Variants in FBXW4 observed in about 807,000 individuals in gnomAD.
The protein encoded by FBXW4 is F-box/WD repeat-containing protein 4.
A neutral mutation model predicts 61.8 loss-of-function variants in FBXW4; 40 were observed. The observed-to-expected ratio is 0.65, with a 90% confidence interval of 0.50 to 0.84. The LOEUF (loss-of-function observed/expected upper bound fraction) is 0.84. FBXW4 is among the 40% of genes least tolerant of loss of function. The pLI is 0.00. For missense variants in FBXW4, 672 were observed against 753.8 expected (o/e 0.89, Z 1.27); for synonymous variants, 311 against 313.8 (o/e 0.99, Z 0.10).
intron 5 of FBXW4, among the ~76,000 whole-genome samples, chr10:101,647,967 C>T (rs903715338): frequency 3.3e-5 from 5 of 152,114 alleles, no homozygotes; most frequent in African/African-American, 1.2e-4. Context: ...ATAACTTGCT[C>T]GGAATCTGCA....
Position 101,612,386 on chromosome 10 carries a change from A to T in FBXW4, c.1393T>A (p.Cys465Ser). 1 of 1,599,240 alleles carries T rather than the reference A, an allele frequency of 6.3e-7. No individual in the cohort carries two copies. The highest frequency in any genetic ancestry group is 8.5e-7 in the Non-Finnish European group (1 of 1,172,278). The part of the protein sequence containing the change: ...MYESPFTLLS[C>S]GYDTYVRYWD... ...TAGCGAACATAGGTGTCATAGCCACAGGACAGCAGTGTGAAAGGGGACTCA... is the reference window on the plus strand; with the variant it reads ...TAGCGAACATAGGTGTCATAGCCACTGGACAGCAGTGTGAAAGGGGACTCA... Residue 465 changes from cysteine (C) to serine (S), a missense_variant, in exon 7 of 9, where the codon TGT (cysteine) becomes AGT (serine). Cys to Ser is a moderately radical substitution (Grantham distance 112, BLOSUM62 -1). This residue lies in a region of FBXW4 where 312 missense variants were observed against 370.1 expected (regional missense o/e 0.84). Transcript: ENST00000331272.
At chr10:101,689,262 G>A (rs980366521) in intron 1 of FBXW4, among the ~76,000 whole-genome samples, 4 of 152,112 alleles carry the variant, frequency 2.6e-5, no homozygotes. Flanking sequence ...TTTCTGCCTT[G>A]AAAGCTAGAA....
chr10:101,644,618 C>T (rs2064080912), intron 5 of FBXW4, among the ~76,000 whole-genome samples: 1 of 152,140 alleles, frequency 6.6e-6, no homozygotes, highest in Non-Finnish European at 1.5e-5. Context: ...TATTTTGGGC[C>T]TTCATGGGCA....
chr10:101,678,103 G>T (rs528186281), intron 1 of FBXW4, among the ~76,000 whole-genome samples: 9 of 152,176 alleles, frequency 5.9e-5, no homozygotes, highest in Non-Finnish European at 1.3e-4. Context: ...ATTGGAGGGC[G>T]AGTGTCAATA....
intron 4 of FBXW4, 51 bp downstream of exon 4, chr10:101,672,864 C>T (rs1411276438): frequency 6.3e-7 from 1 of 1,596,000 alleles, no homozygotes; most frequent in Admixed American, 1.7e-5. Flanking sequence ...TATCCACCCC[C>T]TCCCTATAGA....
chr10:101,675,043 A>G (rs755889975), intron 2 of FBXW4, among the ~76,000 whole-genome samples: 1 of 152,022 alleles, frequency 6.6e-6, no homozygotes, highest in East Asian at 1.9e-4. Flanking sequence ...TCTTCCCCAG[A>G]CTCGTACAAG....
Position 101,694,330 on chromosome 10 carries a change from G to A in FBXW4, c.725+51C>T. On this transcript the variant is annotated intron_variant, in intron 1 of 8. Coordinates refer to ENST00000331272, the MANE Select transcript of FBXW4 (RefSeq NM_022039.4). This position sits in a 1 kb window ranked among gnomAD's most constrained non-coding sequence, Gnocchi z 6.0. ...GGCCGCGGCGCCCCGCCCTTTCCCGGGACGCGGGGCCGGCTCGGGGCGGGG... is the reference window on the plus strand; with the variant it reads ...GGCCGCGGCGCCCCGCCCTTTCCCGAGACGCGGGGCCGGCTCGGGGCGGGG... 6.0e-6 allele frequency: 8 copies of A among 1,336,912 alleles called. No individual in the cohort carries two copies. Among genetic ancestry groups the A allele is most frequent in the Non-Finnish European group, 7.6e-6 (8 of 1,049,904 alleles). 82.8% of individuals were successfully genotyped at this position (1,336,912 alleles called of 1,614,324 possible).
chr10:101,639,508 T>C (rs1589753377), intron 5 of FBXW4, among the ~76,000 whole-genome samples: 1 of 152,240 alleles, frequency 6.6e-6, no homozygotes, highest in East Asian at 1.9e-4. Context: ...TTTATCCAAC[T>C]AGTAGACACC....
rs149791990 is a variant in FBXW4, at chr10:101,612,823, G to GCA, written c.1302-348_1302-347dup. Among the ~76,000 whole-genome samples, 1,352 of 150,720 alleles carry GCA rather than the reference G, an allele frequency of 9.0e-3. 11 individuals are homozygous for GCA. Among genetic ancestry groups the GCA allele is most frequent in the Admixed American group, 0.03 (454 of 15,150 alleles). On this transcript the variant is annotated intron_variant, in intron 6 of 8. Transcript: ENST00000331272. ...GCCCCCCTCACATTCACATGCACAT[G>GCA]CACACACACACACACACTTGGTTAC... is the stretch of plus-strand genomic sequence containing the variant.
chr10:101,678,103 G>A (rs528186281), intron 1 of FBXW4, among the ~76,000 whole-genome samples: 10 of 152,176 alleles, frequency 6.6e-5, no homozygotes, highest in African/African-American at 1.9e-4. Flanking sequence ...ATTGGAGGGC[G>A]AGTGTCAATA....
Position 101,645,749 on chromosome 10 carries a change from A to T in FBXW4, c.1236-20939T>A, listed in dbSNP as rs555683223. On this transcript the variant is annotated intron_variant, in intron 5 of 8. Coordinates refer to ENST00000331272, the MANE Select transcript of FBXW4 (RefSeq NM_022039.4). Reference sequence around the variant, plus strand: ...ATCAAGTCTTGAATTCATTTTTTTTAAAGTTGGAAACAATTCAAGATAATC... The same window carrying T: ...ATCAAGTCTTGAATTCATTTTTTTTTAAGTTGGAAACAATTCAAGATAATC... Among the ~76,000 whole-genome samples, 13 of 152,312 alleles carry T rather than the reference A, an allele frequency of 8.5e-5. 1 individual carries two copies. In the South Asian group the frequency reaches 2.3e-3, roughly 27 times the overall value.
In FBXW4 at chr10:101,635,634, A is replaced by G. The variant is rs184673383; in HGVS notation, c.1236-10824T>C. Among the ~76,000 whole-genome samples the G allele has an allele frequency of 3.0e-3, 462 of 152,260 alleles. 5 individuals carry two copies. The highest frequency in any genetic ancestry group is 0.011 in the African/African-American group (449 of 41,556). On this transcript the variant is annotated intron_variant, in intron 5 of 8. Coordinates refer to ENST00000331272, the MANE Select transcript of FBXW4 (RefSeq NM_022039.4). ...CAGATTGCTTGAGCCCAGGAGTTCA[A>G]GACAAGCCTGGGCAACAAAGTAAGA...
intron 5 of FBXW4, among the ~76,000 whole-genome samples, chr10:101,649,488 G>A (rs2064128938): frequency 6.6e-6 from 1 of 152,188 alleles, no homozygotes; most frequent in Admixed American, 6.5e-5. Context: ...GGAAAAAAAA[G>A]AACAGTAAAA....
At chr10:101,645,056 C>T (rs1010564268) in intron 5 of FBXW4, among the ~76,000 whole-genome samples, 4 of 152,186 alleles carry the variant, frequency 2.6e-5, no homozygotes, top group African/African-American at 7.2e-5. Flanking sequence ...CTATGATGTG[C>T]TACCCCAGCC....
At chr10:101,614,412 G>T (rs1324296188) in intron 6 of FBXW4, among the ~76,000 whole-genome samples, 1 of 152,194 alleles carries the variant, frequency 6.6e-6, no homozygotes, top group Non-Finnish European at 1.5e-5. Context: ...GGCCCACCCA[G>T]ACTGGGCTGC....
intron 6 of FBXW4, among the ~76,000 whole-genome samples, chr10:101,616,322 G>C (rs200162519): frequency 1.1e-4 from 17 of 152,166 alleles, no homozygotes; most frequent in Non-Finnish European, 1.9e-4. Flanking sequence ...TCCTTCAGTC[G>C]AGCATCTTCT....
intron 4 of FBXW4, 145 bp from the exon 5 acceptor site, chr10:101,668,125 G>C (rs1256480015): frequency 2.2e-5 from 14 of 639,280 alleles, no homozygotes; most frequent in Non-Finnish European, 3.6e-5. Context: ...ATCAGCAGAG[G>C]GGCCCCTGCA....
chr10:101,684,769 G>A (rs1159260608), intron 1 of FBXW4, among the ~76,000 whole-genome samples: 1 of 152,200 alleles, frequency 6.6e-6, no homozygotes, highest in Admixed American at 6.5e-5. Flanking sequence ...AATAGCTTCA[G>A]TAGCAGAGGT....
At chr10:101,622,001 G>A (rs879875909) in intron 6 of FBXW4, among the ~76,000 whole-genome samples, 1 of 152,072 alleles carries the variant, frequency 6.6e-6, no homozygotes, top group Non-Finnish European at 1.5e-5. Context: ...ACCAAAAGAC[G>A]GAATGGTTGT....
Sources: gnomAD v4.1 joint callset for allele counts (sites outside exome capture counted in the v4.1 genomes callset) on GRCh38, gnomAD v4.1.1 for gene constraint, gnomAD v4.1.1 regional missense constraint, Gnocchi (gnomAD v3.1) non-coding constraint, MANE v1.5 for transcripts, NCBI Gene and HGNC (gene_info 2026-07-23, HGNC 2026-07-21) for gene names.